The following GRHL3 variants were observed in gnomAD, a reference collection of about 807,000 sequenced individuals.
GRHL3 encodes grainyhead like transcription factor 3.
In GRHL3, 20 loss-of-function variants were observed where a neutral mutation model predicts 70.3. That is an observed-to-expected ratio of 0.28 (90% CI 0.20 to 0.41). The LOEUF (loss-of-function observed/expected upper bound fraction) is 0.41, where lower values mean the gene tolerates loss of function less well. Ranked by LOEUF, GRHL3 falls within the 10% of genes least tolerant of loss-of-function variation. GRHL3 has a pLI of 1.00. For synonymous variants in GRHL3, 299 were observed against 299.9 expected (o/e 1.00, Z 0.03); for missense variants, 637 against 762.3 (o/e 0.84, Z 1.94).
At chr1:24,319,794 G>C (rs1404809071) in intron 1 of GRHL3, 7 of 1,359,564 alleles carry the variant, frequency 5.1e-6, no homozygotes, top group Non-Finnish European at 6.8e-6. Context: ...TCTTTGCTGA[G>C]CAGTTTCGAG....
downstream of GRHL3, chr1:24,358,700 G>A: frequency 8.6e-7 from 1 of 1,168,242 alleles, no homozygotes; most frequent in South Asian, 1.4e-5. Flanking sequence ...CTCAGAGCTG[G>A]AAAGGCCTGG....
Position 24,350,105 on chromosome 1 carries a change from C to T in GRHL3, c.1677C>T (p.Tyr559=), listed in dbSNP as rs1640445245. 2.5e-6 allele frequency: 4 copies of T among 1,613,656 alleles called. No individual in the cohort carries two copies. The highest frequency in any genetic ancestry group is 2.5e-6 in the Non-Finnish European group (3 of 1,179,742). The stretch of plus-strand genomic sequence containing the variant: ...CTGAAGAGAACATTTACAAAGTCTA[C>T]AAGAAATGCAAGCGAGGGTGAGTGC... The part of the protein sequence containing the change: ...GFPEENIYKV[Y]KKCKRGILVN... The change falls in exon 15 of 16, where the codon TAC becomes TAT. Residue 559 remains tyrosine (Y), a synonymous_variant. Transcript: ENST00000361548.
chr1:24,333,910 C>A (rs1007864236), intron 2 of GRHL3, among the ~76,000 whole-genome samples: 1 of 152,164 alleles, frequency 6.6e-6, no homozygotes, highest in Non-Finnish European at 1.5e-5. Flanking sequence ...TTTTTATTAA[C>A]AAATATTCAT....
At chr1:24,349,635 C>T (rs577105162) in intron 14 of GRHL3, among the ~76,000 whole-genome samples, 23 of 152,342 alleles carry the variant, frequency 1.5e-4, no homozygotes, top group African/African-American at 5.3e-4. Flanking sequence ...TACATGGGTG[C>T]ACCCTCAGCA....
At chr1:24,319,710 T>G in intron 1 of GRHL3, 142 bp downstream of exon 1, 5 of 1,584,920 alleles carry the variant, frequency 3.2e-6, no homozygotes, top group Non-Finnish European at 4.3e-6. Flanking sequence ...ACGATCTTAC[T>G]TTGGCGTGTC....
chr1:24,336,755 T>G lies in GRHL3; in HGVS notation c.540T>G (p.Phe180Leu), dbSNP rs757749100. ...ATAATGGCTCCCTCAACTCCTTGTT[T>G]GAGAGCATTCATGGGGTGCCGCCCA... is the stretch of plus-strand genomic sequence containing the variant. ...MYDNGSLNSL[F>L]ESIHGVPPTQ... Residue 180 changes from phenylalanine (F) to leucine (L), a missense_variant, in exon 4 of 16, where the codon TTT becomes TTG. By Grantham distance (22) the Phe-to-Leu change is conservative (BLOSUM62 0). This residue lies in a region of GRHL3 where 250 missense variants were observed against 248.6 expected (regional missense o/e 1.01). Transcript: ENST00000361548. The G allele has an allele frequency of 2.5e-5, 41 of 1,613,870 alleles. No homozygotes were observed. The highest frequency in any genetic ancestry group is 3.2e-5 in the Non-Finnish European group (38 of 1,179,978).
rs761440206 is a variant in GRHL3 at position 24,319,586 on chromosome 1, G to A, written c.17+18G>A. The A allele has an allele frequency of 6.2e-7, 1 of 1,613,688 alleles. No homozygotes were observed. The highest frequency in any genetic ancestry group is 1.3e-5 in the African/African-American group (1 of 74,928). On this transcript the variant is annotated intron_variant, in intron 1 of 15. Coordinates refer to ENST00000361548, the MANE Select transcript of GRHL3 (RefSeq NM_198173.3). ...GAACTTGAGTGAGTAAACATCGGTG[G>A]ATACCTGCCGCTCTCAGAGCGTGGA...
downstream of GRHL3, chr1:24,358,353 G>A: frequency 1.4e-6 from 1 of 701,540 alleles, no homozygotes; most frequent in Non-Finnish European, 2.6e-6. Flanking sequence ...AGTCTCCAGG[G>A]AGCAATGTCT....
intron 8 of GRHL3, 82 bp downstream of exon 8, chr1:24,339,844 G>A (rs1471440953): frequency 1.2e-6 from 1 of 839,020 alleles, no homozygotes; most frequent in African/African-American, 1.7e-5. Flanking sequence ...CTTGCACCTA[G>A]GATAGTGTCA....
downstream of GRHL3, chr1:24,358,237 C>T (rs1451317081): frequency 8.4e-6 from 5 of 596,718 alleles, no homozygotes; most frequent in East Asian, 1.1e-4. Context: ...GGCAGGGAGT[C>T]GTGCCGGAAG....
chr1:24,350,180 C>T (rs1640449967), intron 15 of GRHL3, 58 bp downstream of exon 15: 1 of 1,479,830 alleles, frequency 6.8e-7, no homozygotes, highest in Admixed American at 1.8e-5. Context: ...AATGTTTGTA[C>T]TTGGCCTTTG....
chr1:24,339,236 G>T (rs185292666), intron 7 of GRHL3, among the ~76,000 whole-genome samples: 1 of 151,948 alleles, frequency 6.6e-6, no homozygotes. Flanking sequence ...GTGGTTCTTG[G>T]GGGAGAGAAT....
At chr1:24,353,442 G>A (rs1323895531) in intron 15 of GRHL3, among the ~76,000 whole-genome samples, 1 of 150,626 alleles carries the variant, frequency 6.6e-6, no homozygotes, top group Non-Finnish European at 1.5e-5. Flanking sequence ...GTAGATGGAC[G>A]AGTAGATGCC....
rs376523924 is a variant in GRHL3, at chr1:24,360,804, G to A, written c.1695-3381G>A. The A allele has an allele frequency of 2.6e-5, 39 of 1,518,762 alleles. No individual in the cohort carries two copies. In the African/African-American group the frequency reaches 4.4e-4, roughly 17 times the overall value. The allele number at this position is 1,518,762 out of a possible 1,614,324, so 94.1% of individuals were successfully genotyped here. On this transcript the variant is annotated intron_variant, in intron 15 of 15. Transcript: ENST00000350501. ...TTTGATGACCCAAGAATGACAAACA[G>A]TTCCAGAAGATTTGGTTTTTACAAT...
At chr1:24,325,401 C>G (rs1406708348) in intron 1 of GRHL3, among the ~76,000 whole-genome samples, 1 of 152,214 alleles carries the variant, frequency 6.6e-6, no homozygotes, top group Non-Finnish European at 1.5e-5. Context: ...GCAGGTGCCT[C>G]TCTGGAACTA....
intron 15 of GRHL3, among the ~76,000 whole-genome samples, chr1:24,362,116 A>G (rs1337907812): frequency 3.3e-5 from 5 of 152,180 alleles, no homozygotes; most frequent in African/African-American, 1.2e-4. Context: ...CCAGCACTCA[A>G]TGACCAAGGG....
intron 15 of GRHL3, among the ~76,000 whole-genome samples, chr1:24,351,934 G>A (rs1640529408): frequency 6.6e-6 from 1 of 152,174 alleles, no homozygotes; most frequent in African/African-American, 2.4e-5. Context: ...GTTAGGAACT[G>A]GCAGAAGCAT....
At position 24,319,429 on chromosome 1, in the gene GRHL3, A is replaced by G; in HGVS notation, c.-123A>G. On this transcript the variant is annotated 5_prime_UTR_variant, in exon 1 of 16. Transcript: ENST00000361548. ...GAACCTACCTGTCAGCAAAATCTCG[A>G]CACCCAAACCTCAACATAAATCAAA... is the stretch of plus-strand genomic sequence containing the variant. 1.8e-6 allele frequency: 2 copies of G among 1,094,602 alleles called. No individual in the cohort carries two copies. Among genetic ancestry groups the G allele is most frequent in the Non-Finnish European group, 1.4e-6 (1 of 713,020 alleles). 67.8% of individuals were successfully genotyped at this position (1,094,602 alleles called of 1,614,324 possible). A position where few individuals can be genotyped will look rare whatever the true frequency, so the allele number is the denominator to read the frequency against.
At chr1:24,358,542 C>A, downstream of GRHL3, 1 of 1,613,156 alleles carries the variant, frequency 6.2e-7, no homozygotes. Flanking sequence ...GTGTGACATC[C>A]CTACAGAACC....
Sources: gnomAD v4.1 joint callset for allele counts (sites outside exome capture counted in the v4.1 genomes callset) on GRCh38, gnomAD v4.1.1 for gene constraint, gnomAD v4.1.1 regional missense constraint, MANE v1.5 for transcripts, NCBI Gene and HGNC (gene_info 2026-07-23, HGNC 2026-07-21) for gene names.